Variants in GRID2 observed in about 807,000 individuals in gnomAD.
GRID2 encodes the protein glutamate ionotropic receptor delta type subunit 2.
GRID2 carries 33 observed loss-of-function variants against 114.8 expected under a neutral mutation model. The ratio of observed to expected loss-of-function variants is 0.29; its 90% CI spans 0.22 to 0.38. GRID2 has a LOEUF of 0.38. Among genes scored for constraint, GRID2 ranks in the 10% least tolerant of loss-of-function variants. GRID2 has a pLI of 1.00. For missense variants in GRID2, 1,184 were observed against 1,257.7 expected (o/e 0.94, Z 0.89); for synonymous variants, 505 against 449.9 (o/e 1.12, Z -1.55).
intron 1 of GRID2, among the ~76,000 whole-genome samples, chr4:92,557,645 T>TTATATATATATATATATA (rs138046427): frequency 2.8e-5 from 4 of 142,678 alleles, no homozygotes; most frequent in Admixed American, 7.1e-5. Context: ...ATATATATGG[T>TTATATATATATATATATA]TATATATATA....
chr4:93,236,989 A>T (rs1178080942), intron 7 of GRID2, among the ~76,000 whole-genome samples: 1 of 152,018 alleles, frequency 6.6e-6, no homozygotes, highest in African/African-American at 2.4e-5. Flanking sequence ...AATATTCTGT[A>T]CATGTATTAT....
intron 14 of GRID2, among the ~76,000 whole-genome samples, chr4:93,715,674 T>C (rs913843884): frequency 6.6e-6 from 1 of 152,198 alleles, no homozygotes; most frequent in African/African-American, 2.4e-5. Flanking sequence ...TTCCTAGATA[T>C]TGTATTCTTT....
intron 1 of GRID2, among the ~76,000 whole-genome samples, chr4:93,796,353 A>G (rs1734802740): frequency 6.6e-6 from 1 of 152,214 alleles, no homozygotes; most frequent in East Asian, 1.9e-4. Context: ...TTTGAAAGCC[A>G]TCTTAGAATT....
At position 92,935,361 on chromosome 4, in the gene GRID2, C is replaced by T. The variant is rs549282780; in HGVS notation, c.245-149634C>T. Among the ~76,000 whole-genome samples the T allele has an allele frequency of 9.1e-4, 133 of 146,846 alleles. 21 individuals carry two copies. The East Asian group carries it at 0.025, about 28-fold the overall frequency. ...TACCATCTCACACCAGTTAGAATGG[C>T]AATCATTAAAATGTCAGGAAACAAC... On this transcript the variant is annotated intron_variant, in intron 2 of 15. Transcript: ENST00000282020.
intron 11 of GRID2, among the ~76,000 whole-genome samples, chr4:93,477,852 A>G (rs561426837): frequency 7.3e-4 from 111 of 152,146 alleles, no homozygotes; most frequent in Non-Finnish European, 3.7e-4. Context: ...AAGGGTTTCT[A>G]AATGCTATCA....
At chr4:92,997,900 T>C (rs866794477) in intron 2 of GRID2, among the ~76,000 whole-genome samples, 13 of 152,044 alleles carry the variant, frequency 8.6e-5, no homozygotes. Flanking sequence ...CAAAACATAA[T>C]GAAATGTATT....
chr4:93,679,763 G>A (rs1490010489), intron 14 of GRID2, among the ~76,000 whole-genome samples: 1 of 150,744 alleles, frequency 6.6e-6, no homozygotes, highest in Non-Finnish European at 1.5e-5. Context: ...GAATCTCTGG[G>A]ACACATTTAA....
intron 2 of GRID2, among the ~76,000 whole-genome samples, chr4:92,926,772 A>G (rs1283751755): frequency 1.3e-5 from 2 of 151,898 alleles, no homozygotes; most frequent in African/African-American, 2.4e-5. Context: ...AGATTGAGAG[A>G]CCACACCTGG....
intron 8 of GRID2, among the ~76,000 whole-genome samples, chr4:93,314,259 C>A (rs377057442): frequency 1.5e-5 from 2 of 131,732 alleles, no homozygotes; most frequent in South Asian, 4.9e-4. Flanking sequence ...GAGCCAAGAT[C>A]GTACACCGCA....
At chr4:93,267,760 C>T (rs1751014779) in intron 8 of GRID2, among the ~76,000 whole-genome samples, 1 of 152,178 alleles carries the variant, frequency 6.6e-6, no homozygotes, top group Non-Finnish European at 1.5e-5. Flanking sequence ...TTTGGGAGTT[C>T]CTCCCTAATT....
chr4:93,580,393 G>A (rs998312474), intron 13 of GRID2, among the ~76,000 whole-genome samples: 16 of 152,188 alleles, frequency 1.1e-4, no homozygotes, highest in African/African-American at 3.9e-4. Context: ...AGCACCCACT[G>A]ACGCACAAAA....
At chr4:92,716,052 T>C (rs1329350482) in intron 2 of GRID2, among the ~76,000 whole-genome samples, 4 of 152,232 alleles carry the variant, frequency 2.6e-5, no homozygotes, top group African/African-American at 7.2e-5. Context: ...ATTTATTCCC[T>C]ATTAATGTGG....
intron 14 of GRID2, among the ~76,000 whole-genome samples, chr4:93,655,339 C>A (rs1196625662): frequency 6.6e-6 from 1 of 152,106 alleles, no homozygotes; most frequent in Non-Finnish European, 1.5e-5. Context: ...GTCTTTGGGG[C>A]AATTATATAA....
intron 2 of GRID2, among the ~76,000 whole-genome samples, chr4:93,053,287 C>A (rs1287336594): frequency 6.6e-6 from 1 of 151,808 alleles, no homozygotes; most frequent in Non-Finnish European, 1.5e-5. Flanking sequence ...TATTACTGAG[C>A]CCTTTAGATG....
intron 1 of GRID2, among the ~76,000 whole-genome samples, chr4:92,542,994 AAAC>A (rs753753499): frequency 3.0e-4 from 28 of 93,964 alleles, no homozygotes; most frequent in African/African-American, 5.2e-4. Flanking sequence ...ACTTCTAAAT[AAAC>A]AAACAGTACC....
At position 92,439,477 on chromosome 4, in the gene GRID2, A is replaced by G. The variant is rs564377683; in HGVS notation, c.88+134733A>G. ...AAGTGTTGGGGTGGTGAAAATTTTT[A>G]GGGGGTGGTATGGAGAGAGAATGGG... On this transcript the variant is annotated intron_variant, in intron 1 of 15. Transcript: ENST00000282020. 5.4e-3 allele frequency among the ~76,000 whole-genome samples: 816 copies of G among 151,840 alleles called. 5 individuals carry two copies. Among genetic ancestry groups the G allele is most frequent in the Non-Finnish European group, 7.0e-3 (473 of 67,928 alleles).
At chr4:92,974,324 A>G (rs1031326505) in intron 2 of GRID2, among the ~76,000 whole-genome samples, 4 of 152,124 alleles carry the variant, frequency 2.6e-5, no homozygotes, top group African/African-American at 9.7e-5. Context: ...TGACCCAGCA[A>G]TCCCATTACT....
At chr4:92,651,489 A>G (rs1731931886) in intron 2 of GRID2, among the ~76,000 whole-genome samples, 1 of 152,040 alleles carries the variant, frequency 6.6e-6, no homozygotes, top group South Asian at 2.1e-4. Context: ...TATCTATATA[A>G]TAGGTCATAC....
intron 2 of GRID2, among the ~76,000 whole-genome samples, chr4:92,628,289 G>C (rs1419577422): frequency 6.6e-6 from 1 of 152,096 alleles, no homozygotes; most frequent in Admixed American, 6.6e-5. Flanking sequence ...TGTGGCATGG[G>C]AGAGGGAAAA....
Sources: allele counts gnomAD v4.1 joint callset (sites outside exome capture counted in the v4.1 genomes callset), GRCh38; gene constraint gnomAD v4.1.1; transcripts MANE v1.5; gene names NCBI Gene and HGNC (gene_info 2026-07-23, HGNC 2026-07-21).